ANK2: variants seen among roughly 807,000 people sequenced by gnomAD.
ANK2 encodes ankyrin 2, also known as ankyrin-2.
A neutral mutation model predicts 360.5 loss-of-function variants in ANK2; 83 were observed. The observed-to-expected ratio is 0.23, with a 90% CI of 0.19 to 0.28. The LOEUF is 0.28. ANK2 is among the 10% of genes least tolerant of loss of function. The pLI is 1.00. For missense variants in ANK2, 4,201 were observed against 4,795.7 expected, an observed-to-expected ratio of 0.88 and a Z score of 3.66; for synonymous variants, 1,740 against 1,759.5, an observed-to-expected ratio of 0.99 and a Z score of 0.28.
intron 1 of ANK2, among the ~76,000 whole-genome samples, chr4:113,150,717 G>T (rs2097036878): frequency 6.6e-6 from 1 of 152,114 alleles, no homozygotes; most frequent in Non-Finnish European, 1.5e-5. Context: ...GAAGCATTAT[G>T]GGAAGTTCAC....
Position 113,342,999 on chromosome 4 carries a change from C to T in ANK2, c.4123-18C>T, listed in dbSNP as rs1330519218. 1.2e-6 allele frequency: 2 copies of T among 1,613,650 alleles called. No homozygotes were observed. The highest frequency in any genetic ancestry group is 2.7e-5 in the African/African-American group (2 of 75,044). On this transcript the variant is annotated intron_variant, in intron 33 of 45. Transcript: ENST00000357077. ...AATTGCAGCTACTTTATTGTTATTT[C>T]TCTCTGTTTTCACTCAGGTGTTAGA...
chr4:113,009,925 T>TACAC lies in ANK2; in HGVS notation c.21+105430_21+105433dup, dbSNP rs3028929. Among the ~76,000 whole-genome samples, 683 of 149,622 alleles carry TACAC rather than the reference T, an allele frequency of 4.6e-3. 4 individuals are homozygous for TACAC. The highest frequency in any genetic ancestry group is 0.014 in the Middle Eastern group (4 of 288). On this transcript the variant is annotated intron_variant, in intron 2 of 30. Transcript: ENST00000503271. ...TTTCCTAAGGCCCCATTGTTGAGAG[T>TACAC]ACACACACACACACACACACACTCA...
chr4:113,029,294 G>A (rs1396297352), intron 2 of ANK2, among the ~76,000 whole-genome samples: 1 of 152,046 alleles, frequency 6.6e-6, no homozygotes. Flanking sequence ...GGAGTCAGTG[G>A]CATGATTACA....
Position 113,247,172 on chromosome 4 carries a change from A to C in ANK2, c.892-2592A>C, listed in dbSNP as rs112223551. ...GAACTGATTCTAGAGAAAAAAAAAA[A>C]AACAACAACAGAGAAAACACAAGGG... On this transcript the variant is annotated intron_variant, in intron 9 of 45. Coordinates refer to ENST00000357077, the MANE Select transcript of ANK2 (RefSeq NM_001148.6). 3.3e-3 allele frequency among the ~76,000 whole-genome samples: 499 copies of C among 151,986 alleles called. 3 individuals carry two copies. The highest frequency in any genetic ancestry group is 0.01 in the African/African-American group (424 of 41,502).
chr4:112,784,350 A>ATTTTTTTTTTTTTTTTTTTTTT, the ANK2 span, among the ~76,000 whole-genome samples: 1 of 69,522 alleles, frequency 1.4e-5, no homozygotes, highest in Non-Finnish European at 2.8e-5. Context: ...ACCCTGACTG[A>ATTTTTTTTTTTTTTTTTTTTTT]TTTTTTTTTT....
At chr4:112,959,039 G>A (rs996219324) in intron 2 of ANK2, among the ~76,000 whole-genome samples, 62 of 151,992 alleles carry the variant, frequency 4.1e-4, no homozygotes, top group Middle Eastern at 3.4e-3. Flanking sequence ...TAGTAGAGGC[G>A]GGGTTTCACC....
At chr4:112,739,128 T>C in the ANK2 span, 4 of 432,620 alleles carry the variant, frequency 9.2e-6, no homozygotes, top group Non-Finnish European at 1.7e-5. Flanking sequence ...GCACGTTTTG[T>C]GTTTAAATAA....
intron 4 of ANK2, among the ~76,000 whole-genome samples, chr4:113,206,829 G>A (rs1014858209): frequency 6.6e-6 from 1 of 152,184 alleles, no homozygotes; most frequent in Non-Finnish European, 1.5e-5. Flanking sequence ...TTCGAGACCA[G>A]CCTGACCAAC....
At chr4:113,031,138 C>G (rs1190928043) in intron 2 of ANK2, 1 of 151,888 alleles carries the variant, frequency 6.6e-6, no homozygotes, top group Non-Finnish European at 1.5e-5. Context: ...AGTTTTGTGA[C>G]TCTAATTTGA....
At chr4:113,376,544 GT>G (rs1409077297) in intron 45 of ANK2, among the ~76,000 whole-genome samples, 1 of 152,066 alleles carries the variant, frequency 6.6e-6, no homozygotes, top group African/African-American at 2.4e-5. Flanking sequence ...CTTAGGCTAT[GT>G]TACATTTGTT....
chr4:113,117,092 G>A (rs903072045), intron 1 of ANK2: 10 of 360,210 alleles, frequency 2.8e-5, no homozygotes, highest in Non-Finnish European at 4.3e-5. Flanking sequence ...TCATTGTAGT[G>A]AGTTGTGGGT....
intron 2 of ANK2, among the ~76,000 whole-genome samples, chr4:113,038,950 G>C (rs1291140392): frequency 6.6e-6 from 1 of 152,046 alleles, no homozygotes. Context: ...AATCAGCCAG[G>C]TGAGCCCTTC....
intron 2 of ANK2, among the ~76,000 whole-genome samples, chr4:112,956,266 A>G (rs1325543418): frequency 6.6e-6 from 1 of 152,242 alleles, no homozygotes; most frequent in East Asian, 1.9e-4. Context: ...CGACAGCACA[A>G]CTAGCACAAA....
chr4:113,343,881 G>C (rs927663985), intron 34 of ANK2, among the ~76,000 whole-genome samples: 1 of 152,092 alleles, frequency 6.6e-6, no homozygotes, highest in African/African-American at 2.4e-5. Flanking sequence ...AATCCTCTTA[G>C]GTATAGGCTG....
chr4:112,874,334 C>T (rs1318706844), intron 1 of ANK2, among the ~76,000 whole-genome samples: 1 of 151,156 alleles, frequency 6.6e-6, no homozygotes, highest in African/African-American at 2.4e-5. Context: ...CCGATCGCCT[C>T]AGCCTCCCAA....
the ANK2 span, among the ~76,000 whole-genome samples, chr4:112,764,277 AT>A: frequency 6.6e-6 from 1 of 150,828 alleles, no homozygotes; most frequent in Non-Finnish European, 1.5e-5. Context: ...TCCTTCCACC[AT>A]TTTTTCGTCC....
At chr4:112,777,990 A>G in the ANK2 span, among the ~76,000 whole-genome samples, 1 of 143,950 alleles carries the variant, frequency 6.9e-6, no homozygotes, top group Non-Finnish European at 1.5e-5. Flanking sequence ...TTTTTTTGAG[A>G]CGGAGTTTTG....
the ANK2 span, among the ~76,000 whole-genome samples, chr4:112,760,114 C>T: frequency 6.6e-6 from 1 of 152,158 alleles, no homozygotes; most frequent in African/African-American, 2.4e-5. Flanking sequence ...GTTTCACCCC[C>T]ACCCACCTGC....
chr4:112,905,980 A>C (rs1446746975), intron 2 of ANK2, among the ~76,000 whole-genome samples: 1 of 152,156 alleles, frequency 6.6e-6, no homozygotes, highest in Non-Finnish European at 1.5e-5. Flanking sequence ...CTATTTTTAG[A>C]AGGGCAGATA....
Sources: allele counts gnomAD v4.1 joint callset (sites outside exome capture counted in the v4.1 genomes callset), GRCh38; gene constraint gnomAD v4.1.1; transcripts MANE v1.5; gene names NCBI Gene and HGNC (gene_info 2026-07-23, HGNC 2026-07-21).